ENOX2: variants seen among roughly 807,000 people sequenced by gnomAD.
ENOX2 encodes APK1 antigen.
In ENOX2, 36 loss-of-function variants were observed where a neutral mutation model predicts 45.0. The observed-to-expected ratio is 0.80, with a 90% CI of 0.61 to 1.06. ENOX2 has a LOEUF of 1.06. Ranked by LOEUF, ENOX2 falls within the 50% of genes least tolerant of loss-of-function variation. The probability of loss-of-function intolerance (pLI) is 0.00; values close to 1 mark genes in which losing one functional copy is unlikely to be tolerated. For synonymous variants in ENOX2, 174 were observed against 152.3 expected, an observed-to-expected ratio of 1.14 and a Z score of -1.05; for missense variants, 423 against 462.5, an observed-to-expected ratio of 0.91 and a Z score of 0.78.
intron 7 of ENOX2, among the ~76,000 whole-genome samples, chrX:130,668,207 T>C (rs956028062): frequency 3.6e-5 from 4 of 110,672 alleles, no homozygotes; most frequent in African/African-American, 1.3e-4. Flanking sequence ...AAAGCAAACT[T>C]GAATCCTGAG....
At chrX:130,814,680 A>C (rs988751797) in intron 2 of ENOX2, among the ~76,000 whole-genome samples, 1 of 112,307 alleles carries the variant, frequency 8.9e-6, no homozygotes, top group African/African-American at 3.2e-5. Context: ...AAAACTAACA[A>C]ACAGAAAGGA....
intron 2 of ENOX2, among the ~76,000 whole-genome samples, chrX:130,833,042 CACACACACACACAA>C (rs2077864878): frequency 9.1e-6 from 1 of 109,945 alleles, no homozygotes; most frequent in Non-Finnish European, 1.9e-5. Context: ...CACACACACA[CACACACACACACAA>C]ACAGCACTGA....
At chrX:130,688,531 T>A (rs2037504495) in intron 5 of ENOX2, among the ~76,000 whole-genome samples, 1 of 112,431 alleles carries the variant, frequency 8.9e-6, no homozygotes, top group Non-Finnish European at 1.9e-5. Context: ...TCTGCCACCA[T>A]CAGCACATGC....
intron 10 of ENOX2, among the ~76,000 whole-genome samples, chrX:130,638,950 A>G (rs1301470294): frequency 2.7e-5 from 3 of 111,307 alleles, no homozygotes; most frequent in Admixed American, 1.9e-4. Flanking sequence ...TCACGCCACT[A>G]CACTCCAGCC....
intron 4 of ENOX2, among the ~76,000 whole-genome samples, chrX:130,699,584 C>T (rs1186229760): frequency 9.0e-6 from 1 of 111,338 alleles, no homozygotes; most frequent in East Asian, 2.8e-4. Flanking sequence ...CTGCCTTTTC[C>T]ATTTTAAGAA....
At chrX:130,865,040 A>AT (rs59866457) in intron 2 of ENOX2, among the ~76,000 whole-genome samples, 1,457 of 94,539 alleles carry the variant, frequency 0.015, 32 homozygotes, top group Admixed American at 0.06. Context: ...TTGGACACAG[A>AT]TTTTTTTTTT....
intron 4 of ENOX2, among the ~76,000 whole-genome samples, chrX:130,702,279 T>C (rs2037918829): frequency 9.0e-6 from 1 of 111,521 alleles, no homozygotes; most frequent in African/African-American, 3.3e-5. Context: ...TCTGATTCAG[T>C]AGGTCTGTGC....
intron 10 of ENOX2, among the ~76,000 whole-genome samples, chrX:130,652,076 T>G (rs1241156359): frequency 8.9e-6 from 1 of 112,186 alleles, no homozygotes; most frequent in Non-Finnish European, 1.9e-5. Flanking sequence ...TCTTGATCTA[T>G]GGTCTTTGTT....
intron 2 of ENOX2, among the ~76,000 whole-genome samples, chrX:130,836,895 T>C (rs1288615546): frequency 8.9e-6 from 1 of 112,011 alleles, no homozygotes; most frequent in African/African-American, 3.2e-5. Context: ...GGCATAGTAC[T>C]TTGTGTTTTT....
chrX:130,741,561 G>T (rs2038982293), intron 3 of ENOX2, among the ~76,000 whole-genome samples: 1 of 111,736 alleles, frequency 8.9e-6, no homozygotes, highest in African/African-American at 3.3e-5. Flanking sequence ...GATACACGGA[G>T]GAGTAGTCTA....
chrX:130,720,409 G>A (rs993827118), intron 3 of ENOX2, among the ~76,000 whole-genome samples: 1 of 112,422 alleles, frequency 8.9e-6, no homozygotes, highest in Non-Finnish European at 1.9e-5. Context: ...AAGGCCTTCA[G>A]CCTGCTCTTT....
At chrX:130,863,071 C>CCACAAA (rs1258498564) in intron 2 of ENOX2, among the ~76,000 whole-genome samples, 1 of 112,055 alleles carries the variant, frequency 8.9e-6, no homozygotes, top group Non-Finnish European at 1.9e-5. Flanking sequence ...CTCACCCACA[C>CCACAAA]CACAAACACA....
At chrX:130,628,127 CAT>C in intron 13 of ENOX2, 84 bp from the exon 14 acceptor site, 3 of 616,178 alleles carry the variant, frequency 4.9e-6, no homozygotes, top group Non-Finnish European at 8.3e-6. Context: ...AGAGCTGACT[CAT>C]ATGTACAACA....
intron 2 of ENOX2, among the ~76,000 whole-genome samples, chrX:130,785,710 G>A (rs920850424): frequency 8.9e-5 from 10 of 112,325 alleles, no homozygotes; most frequent in Admixed American, 4.7e-4. Flanking sequence ...GATTGTTCTC[G>A]TACCTGATTA....
In ENOX2 at chrX:130,819,326, G is replaced by A. The variant is rs149392295; in HGVS notation, c.-182-35636C>T. On this transcript the variant is annotated intron_variant, in intron 2 of 14. Coordinates refer to ENST00000394363, the MANE Select transcript of ENOX2 (RefSeq NM_006375.4). ...GTGGAAGACAGTGTGGCAATTCCTC[G>A]AGGACCCAGGACCAGAAATACCATT... 8.1e-3 allele frequency among the ~76,000 whole-genome samples: 906 copies of A among 111,435 alleles called. 10 individuals are homozygous for A. Among genetic ancestry groups the A allele is most frequent in the African/African-American group, 0.028 (851 of 30,648 alleles).
At chrX:130,698,406 TGGA>T (rs1569488784) in intron 4 of ENOX2, among the ~76,000 whole-genome samples, 1 of 109,730 alleles carries the variant, frequency 9.1e-6, no homozygotes, top group African/African-American at 3.3e-5. Context: ...CGTGGTGGCA[TGGA>T]GGAGACTTAA....
chrX:130,770,142 A>G (rs1242777243), intron 3 of ENOX2, among the ~76,000 whole-genome samples: 2 of 111,777 alleles, frequency 1.8e-5, no homozygotes, highest in Non-Finnish European at 3.8e-5. Flanking sequence ...TCCCTTTAGC[A>G]CATACCAGAT....
At chrX:130,712,820 A>G (rs780671231) in intron 3 of ENOX2, among the ~76,000 whole-genome samples, 4 of 111,039 alleles carry the variant, frequency 3.6e-5, no homozygotes, top group Non-Finnish European at 5.7e-5. Context: ...TTTCACTACT[A>G]CTAAAACTTG....
At chrX:130,640,285 G>A (rs968484558) in intron 10 of ENOX2, among the ~76,000 whole-genome samples, 1 of 112,395 alleles carries the variant, frequency 8.9e-6, no homozygotes, top group African/African-American at 3.2e-5. Context: ...TGCTGGCGAG[G>A]TTGTGGAGAA....
Sources: allele counts gnomAD v4.1 joint callset (sites outside exome capture counted in the v4.1 genomes callset), GRCh38; gene constraint gnomAD v4.1.1; transcripts MANE v1.5; gene names NCBI Gene and HGNC (gene_info 2026-07-23, HGNC 2026-07-21).